The following HS2ST1 variants were observed in gnomAD, a reference collection of about 807,000 sequenced individuals.
The protein encoded by HS2ST1 is 2-O-sulfotransferase.
In HS2ST1, 18 loss-of-function variants were observed where a neutral mutation model predicts 42.9. The ratio of observed to expected loss-of-function variants is 0.42; its 90% CI spans 0.29 to 0.62. The LOEUF (loss-of-function observed/expected upper bound fraction) is 0.62, where lower values mean the gene tolerates loss of function less well. Among genes scored for constraint, HS2ST1 ranks in the 20% least tolerant of loss-of-function variants. The pLI is 0.21. For synonymous variants in HS2ST1, 146 were observed against 152.9 expected (o/e 0.95, Z 0.33); for missense variants, 334 against 433.8 (o/e 0.77, Z 2.04).
chr1:86,993,185 A>C (rs1168457618), intron 1 of HS2ST1: 3 of 1,559,036 alleles, frequency 1.9e-6, no homozygotes, highest in African/African-American at 2.7e-5. Flanking sequence ...TCATTTCAAA[A>C]GCTTTTAAAT....
chr1:87,093,641 T>C (rs1651998525), intron 4 of HS2ST1, among the ~76,000 whole-genome samples: 1 of 152,130 alleles, frequency 6.6e-6, no homozygotes, highest in South Asian at 2.1e-4. Context: ...TATATTTAAT[T>C]CATCTTCGTT....
At position 86,914,991 on chromosome 1, in the gene HS2ST1, G is replaced by T. The variant is rs745407183; in HGVS notation, c.-46G>T. ...GCGTCTCTCTCGCCTCCGGGGTCCCGCTCCCCGCCCCCCGCGGTATGTCTT... is the reference window on the plus strand; with the variant it reads ...GCGTCTCTCTCGCCTCCGGGGTCCCTCTCCCCGCCCCCCGCGGTATGTCTT... On this transcript the variant is annotated 5_prime_UTR_variant, in exon 1 of 7. Coordinates refer to ENST00000370550, the MANE Select transcript of HS2ST1 (RefSeq NM_012262.4). The T allele has an allele frequency of 1.9e-6, 3 of 1,610,830 alleles. No homozygotes were observed. The highest frequency in any genetic ancestry group is 1.1e-5 in the South Asian group (1 of 90,996).
At chr1:87,051,546 TC>T (rs1226059899) in intron 1 of HS2ST1, among the ~76,000 whole-genome samples, 5 of 152,240 alleles carry the variant, frequency 3.3e-5, no homozygotes, top group African/African-American at 1.2e-4. Context: ...TGTTCAGTAG[TC>T]TGCAAAATAA....
intron 1 of HS2ST1, among the ~76,000 whole-genome samples, chr1:87,028,405 T>A (rs1234775108): frequency 6.6e-6 from 1 of 152,248 alleles, no homozygotes; most frequent in Non-Finnish European, 1.5e-5. Context: ...GAAAATAGTT[T>A]TACTGTCTTA....
intron 1 of HS2ST1, among the ~76,000 whole-genome samples, chr1:87,023,129 A>G (rs964774766): frequency 6.6e-6 from 1 of 152,226 alleles, no homozygotes; most frequent in Non-Finnish European, 1.5e-5. Context: ...TTCAAATTTC[A>G]AAGTTAGTGT....
intron 1 of HS2ST1, among the ~76,000 whole-genome samples, chr1:86,915,955 T>C (rs1326124943): frequency 6.6e-6 from 1 of 152,182 alleles, no homozygotes; most frequent in Non-Finnish European, 1.5e-5. Context: ...TTTGTGTTTG[T>C]TAAAGGAAAA....
At chr1:86,993,187 CT>C (rs1649008702) in intron 1 of HS2ST1, 2 of 1,550,952 alleles carry the variant, frequency 1.3e-6, no homozygotes, top group African/African-American at 2.7e-5. Flanking sequence ...ATTTCAAAAG[CT>C]TTTAAATCCC....
intron 1 of HS2ST1, among the ~76,000 whole-genome samples, chr1:86,946,846 A>G (rs1035612133): frequency 6.6e-6 from 1 of 152,246 alleles, no homozygotes; most frequent in African/African-American, 2.4e-5. Context: ...TATGTTCTGA[A>G]AAACTATTAG....
chr1:87,082,472 C>T (rs1355211672), intron 2 of HS2ST1, among the ~76,000 whole-genome samples: 2 of 152,138 alleles, frequency 1.3e-5, no homozygotes, highest in Non-Finnish European at 2.9e-5. Context: ...ACCATGTCCA[C>T]ATTAAATCTC....
intron 5 of HS2ST1, among the ~76,000 whole-genome samples, chr1:87,101,159 T>TTG (rs1652194345): frequency 9.4e-6 from 1 of 106,138 alleles, no homozygotes; most frequent in Non-Finnish European, 1.9e-5. Context: ...GTTTTTTGTT[T>TTG]TTTTTTTTTT....
intron 1 of HS2ST1, among the ~76,000 whole-genome samples, chr1:87,020,213 G>C (rs1013640651): frequency 1.3e-5 from 2 of 152,172 alleles, no homozygotes; most frequent in East Asian, 3.8e-4. Context: ...TTCAAATCTT[G>C]TTGGCTCTAA....
intron 1 of HS2ST1, among the ~76,000 whole-genome samples, chr1:86,929,165 A>G (rs1284080030): frequency 6.6e-6 from 1 of 151,910 alleles, no homozygotes; most frequent in African/African-American, 2.4e-5. Context: ...GAGATAATGA[A>G]TGTTTGTACA....
chr1:87,064,111 C>G (rs1286924943), intron 1 of HS2ST1, among the ~76,000 whole-genome samples: 1 of 152,176 alleles, frequency 6.6e-6, no homozygotes, highest in African/African-American at 2.4e-5. Context: ...CCGGTTTTTC[C>G]TATGAAATTG....
intron 1 of HS2ST1, among the ~76,000 whole-genome samples, chr1:86,963,744 G>GCCCCCC (rs370405012): frequency 4.7e-5 from 6 of 127,264 alleles, no homozygotes; most frequent in African/African-American, 9.2e-5. Flanking sequence ...AGGCAGAGGC[G>GCCCCCC]CCCCCCCCCC....
At chr1:86,954,039 TTAAAAAAAAAAAAAA>T in intron 1 of HS2ST1, among the ~76,000 whole-genome samples, 2 of 121,108 alleles carry the variant, frequency 1.7e-5, no homozygotes, top group South Asian at 5.1e-4. Flanking sequence ...ACTGTTTTTT[TTAAAAAAAAAAAAAA>T]AAAAAAAAAA....
At position 87,063,330 on chromosome 1, in the gene HS2ST1, G is replaced by A. The variant is rs569820540; in HGVS notation, c.125-9604G>A. Among the ~76,000 whole-genome samples the A allele has an allele frequency of 3.8e-4, 58 of 151,864 alleles. No homozygotes were observed. The South Asian group carries it at 9.4e-3, about 25-fold the overall frequency. On this transcript the variant is annotated intron_variant, in intron 1 of 6. Coordinates refer to ENST00000370550, the MANE Select transcript of HS2ST1 (RefSeq NM_012262.4). ...TTCACTGAGCTTTTTATTTTAGTTC[G>A]TGTATTTCCATTTGGTTCTTTTTTG...
At position 87,045,047 on chromosome 1, in the gene HS2ST1, G is replaced by A. The variant is rs1294458659; in HGVS notation, c.125-27887G>A. 3.3e-6 allele frequency: 4 copies of A among 1,211,890 alleles called. No individual in the cohort carries two copies. In the East Asian group the frequency reaches 7.1e-5, roughly 22 times the overall value. 75.1% of individuals were successfully genotyped at this position (1,211,890 alleles called of 1,614,324 possible). On this transcript the variant is annotated intron_variant, in intron 1 of 6. Transcript: ENST00000370550. Reference sequence around the variant, plus strand: ...TGCGGCTTCTCTCTTCTTCACTGACGTCAGCATTCTTTGAAGAATCTTCTT... The same window carrying A: ...TGCGGCTTCTCTCTTCTTCACTGACATCAGCATTCTTTGAAGAATCTTCTT...
At chr1:87,062,299 TA>T (rs1217783015) in intron 1 of HS2ST1, among the ~76,000 whole-genome samples, 6 of 152,090 alleles carry the variant, frequency 3.9e-5, no homozygotes, top group Non-Finnish European at 7.4e-5. Flanking sequence ...GGGTTACTTA[TA>T]TTTTTTTTTA....
At chr1:87,095,909 C>T (rs1241036201) in intron 4 of HS2ST1, among the ~76,000 whole-genome samples, 2 of 150,870 alleles carry the variant, frequency 1.3e-5, no homozygotes, top group Non-Finnish European at 2.9e-5. Context: ...AGAGTGGCAT[C>T]GGTTTACATT....
Sources: allele counts gnomAD v4.1 joint callset (sites outside exome capture counted in the v4.1 genomes callset), GRCh38; gene constraint gnomAD v4.1.1; transcripts MANE v1.5; gene names NCBI Gene and HGNC (gene_info 2026-07-23, HGNC 2026-07-21).